DLC1: variants seen among roughly 807,000 people sequenced by gnomAD.
DLC1 encodes DLC1 Rho GTPase activating protein.
A neutral mutation model predicts 140.3 loss-of-function variants in DLC1; 54 were observed. The observed-to-expected ratio is 0.38, with a 90% CI of 0.31 to 0.48. The LOEUF is 0.48. Ranked by LOEUF, DLC1 falls within the 20% of genes least tolerant of loss-of-function variation. DLC1 has a pLI of 0.96. For synonymous variants in DLC1, 986 were observed against 728.1 expected (o/e 1.35, Z -5.70); for missense variants, 2,536 against 1,907.0 (o/e 1.33, Z -6.14).
chr8:13,365,453 G>C (rs1430803443), intron 4 of DLC1, among the ~76,000 whole-genome samples: 1 of 152,088 alleles, frequency 6.6e-6, no homozygotes, highest in Non-Finnish European at 1.5e-5. Context: ...TGGAAAGTCA[G>C]GTGACCCTGT....
intron 2 of DLC1, among the ~76,000 whole-genome samples, chr8:13,473,715 C>A (rs961965184): frequency 5.3e-5 from 8 of 152,092 alleles, no homozygotes; most frequent in African/African-American, 1.9e-4. Context: ...TTGTTGGGAA[C>A]TGGAACAAAG....
At chr8:13,368,494 C>T (rs1221682272) in intron 4 of DLC1, among the ~76,000 whole-genome samples, 1 of 151,812 alleles carries the variant, frequency 6.6e-6, no homozygotes, top group African/African-American at 2.4e-5. Flanking sequence ...GAGATATTAC[C>T]CAAGGGAAAA....
chr8:13,094,743 A>T lies in DLC1; in HGVS notation c.3526+16T>A. On this transcript the variant is annotated intron_variant, in intron 12 of 17. Coordinates refer to ENST00000276297, the MANE Select transcript of DLC1 (RefSeq NM_182643.3). ...TTTCCCCAATGCCAACAATCTTAAG[A>T]TCAAAGGACACTCACATTGGTAGAT... 1 of 1,614,096 alleles carries T rather than the reference A, an allele frequency of 6.2e-7. No homozygotes were observed.
At position 13,500,155 on chromosome 8, in the gene DLC1, A is replaced by G. The variant is rs773522815; in HGVS notation, c.-84T>C. ...GAACTTGATGAAAGATTATTTCAAA[A>G]TCACCAATCAAAGAAGCGAATGAGT... is the stretch of plus-strand genomic sequence containing the variant. On this transcript the variant is annotated 5_prime_UTR_variant, in exon 2 of 18. Coordinates refer to ENST00000276297, the MANE Select transcript of DLC1 (RefSeq NM_182643.3). The G allele has an allele frequency of 8.4e-5, 106 of 1,263,918 alleles. No homozygotes were observed. Among genetic ancestry groups the G allele is most frequent in the Non-Finnish European group, 1.1e-4 (102 of 915,590 alleles). 78.3% of individuals were successfully genotyped at this position (1,263,918 alleles called of 1,614,324 possible).
chr8:13,383,691 T>C (rs2117172803), intron 4 of DLC1, among the ~76,000 whole-genome samples: 1 of 152,314 alleles, frequency 6.6e-6, no homozygotes, highest in African/African-American at 2.4e-5. Flanking sequence ...CAGTTTGACT[T>C]CCTTGATTTC....
intron 2 of DLC1, among the ~76,000 whole-genome samples, chr8:13,426,788 T>TATA (rs34901466): frequency 1.3e-5 from 2 of 151,818 alleles, no homozygotes; most frequent in Non-Finnish European, 2.9e-5. Flanking sequence ...TATATATATA[T>TATA]TTTTCCTTCT....
At chr8:13,437,303 G>C (rs139206465) in intron 2 of DLC1, among the ~76,000 whole-genome samples, 1 of 152,340 alleles carries the variant, frequency 6.6e-6, no homozygotes, top group Non-Finnish European at 1.5e-5. Context: ...ATTTTCACTA[G>C]ACATGCTGCT....
At chr8:13,494,193 C>T (rs1801392946) in intron 2 of DLC1, among the ~76,000 whole-genome samples, 1 of 152,136 alleles carries the variant, frequency 6.6e-6, no homozygotes, top group African/African-American at 2.4e-5. Context: ...TCTTTCACAA[C>T]GTGTCATGAT....
At chr8:13,143,844 G>GAGAGAGAGAGAGAGACAGAGAGAC (rs1554584116) in intron 5 of DLC1, among the ~76,000 whole-genome samples, 1 of 148,168 alleles carries the variant, frequency 6.7e-6, no homozygotes, top group Non-Finnish European at 1.5e-5. Flanking sequence ...GAGAGAGAGA[G>GAGAGAGAGAGAGAGACAGAGAGAC]AGAGAGAGAC....
chr8:13,596,493 AG>A (rs1203897584), intron 1 of DLC1, among the ~76,000 whole-genome samples: 4 of 151,968 alleles, frequency 2.6e-5, no homozygotes, highest in Admixed American at 1.3e-4. Flanking sequence ...CCTTTCTTAA[AG>A]GTAACTGATG....
intron 4 of DLC1, among the ~76,000 whole-genome samples, chr8:13,352,280 G>A (rs1157278433): frequency 6.6e-6 from 1 of 152,216 alleles, no homozygotes; most frequent in Non-Finnish European, 1.5e-5. Context: ...AAAAGCAACA[G>A]GAAGTAAAGG....
intron 5 of DLC1, chr8:13,276,190 G>A: frequency 6.6e-6 from 10 of 1,516,938 alleles, no homozygotes; most frequent in Non-Finnish European, 8.8e-6. Context: ...GCTTATCACT[G>A]CGTCTTCGCA....
intron 1 of DLC1, among the ~76,000 whole-genome samples, chr8:13,587,984 T>C (rs1340024638): frequency 1.3e-5 from 2 of 152,096 alleles, no homozygotes; most frequent in African/African-American, 4.8e-5. Context: ...CTATTGTATA[T>C]AGATCAAATT....
At chr8:13,214,595 G>T in intron 5 of DLC1, 1 of 711,182 alleles carries the variant, frequency 1.4e-6, no homozygotes, top group Non-Finnish European at 2.6e-6. Flanking sequence ...GAGGAAATTG[G>T]AGTGCAGTGT....
rs1290763434 is a variant in DLC1, at chr8:13,499,103, C to T, written c.969G>A (p.Glu323=). 1.2e-6 allele frequency: 2 copies of T among 1,613,928 alleles called. No homozygotes were observed. Among genetic ancestry groups the T allele is most frequent in the Admixed American group, 1.7e-5 (1 of 59,992 alleles). The stretch of plus-strand genomic sequence containing the variant: ...CTGTGGGTTCCTGGGTGGCCAGGGT[C>T]TCCTTTAATTGTAAACACTGCATGC... ...EDGMQCLQLK[E]TLATQEPTDN... is the part of the protein sequence containing the mutation. The change falls in exon 2 of 18, where the codon GAG becomes GAA. Residue 323 remains glutamate (E), a synonymous_variant. Coordinates refer to ENST00000276297, the MANE Select transcript of DLC1 (RefSeq NM_182643.3).
chr8:13,285,743 T>C (rs983453470), intron 5 of DLC1, among the ~76,000 whole-genome samples: 2 of 152,098 alleles, frequency 1.3e-5, no homozygotes, highest in African/African-American at 2.4e-5. Flanking sequence ...AGTTTGGAAG[T>C]TTCTTATAAA....
intron 5 of DLC1, among the ~76,000 whole-genome samples, chr8:13,273,528 C>G (rs146831877): frequency 1.3e-5 from 2 of 152,112 alleles, no homozygotes; most frequent in African/African-American, 4.8e-5. Context: ...AAACTGAAGG[C>G]CTTTTCCTGG....
chr8:13,533,415 A>T (rs979729), intron 1 of DLC1, among the ~76,000 whole-genome samples: 70,716 of 151,978 alleles, frequency 0.47, 17,946 homozygotes, highest in East Asian at 0.59. Flanking sequence ...AGGCAAAATA[A>T]CTTATTTGGA....
At chr8:13,448,345 T>TTTC (rs146892447) in intron 2 of DLC1, among the ~76,000 whole-genome samples, 40,042 of 146,626 alleles carry the variant, frequency 0.27, 6,825 homozygotes, top group Non-Finnish European at 0.38. Flanking sequence ...TCTTTTAAAA[T>TTTC]TTCTTCTTCT....
Sources: allele counts gnomAD v4.1 joint callset (sites outside exome capture counted in the v4.1 genomes callset), GRCh38; gene constraint gnomAD v4.1.1; transcripts MANE v1.5; gene names NCBI Gene and HGNC (gene_info 2026-07-23, HGNC 2026-07-21).